INVS: variants seen among roughly 807,000 people sequenced by gnomAD.
INVS encodes the protein inversin.
A neutral mutation model predicts 108.8 loss-of-function variants in INVS; 86 were observed. The ratio of observed to expected loss-of-function variants is 0.79; its 90% CI spans 0.66 to 0.95. The LOEUF (loss-of-function observed/expected upper bound fraction) is 0.95, where lower values mean the gene tolerates loss of function less well. Ranked by LOEUF, INVS falls within the 40% of genes least tolerant of loss-of-function variation. The pLI is 0.00. For synonymous variants in INVS, 455 were observed against 473.5 expected (o/e 0.96, Z 0.51); for missense variants, 1,169 against 1,297.4 (o/e 0.90, Z 1.52).
chr9:100,168,440 G>A (rs980821379), intron 3 of INVS, among the ~76,000 whole-genome samples: 1 of 152,150 alleles, frequency 6.6e-6, no homozygotes, highest in Non-Finnish European at 1.5e-5. Context: ...TGGCCTCCAG[G>A]GCAGATAAAG....
In INVS at chr9:100,264,940, T is replaced by C; in HGVS notation, c.1571+12T>C. ...AACAATGAAGAGAGGTAAGTTGTTG[T>C]TGACTTTTTTTTTTTTTTTTGAGAT... On this transcript the variant is annotated intron_variant, in intron 11 of 16. Coordinates refer to ENST00000262457, the MANE Select transcript of INVS (RefSeq NM_014425.5). The C allele has an allele frequency of 6.3e-7, 1 of 1,581,084 alleles. No homozygotes were observed. The highest frequency in any genetic ancestry group is 8.7e-7 in the Non-Finnish European group (1 of 1,150,882).
At chr9:100,100,727 TATAATATATATATTATATGTAC>T (rs1414422025) in intron 1 of INVS, among the ~76,000 whole-genome samples, 79 of 58,624 alleles carry the variant, frequency 1.3e-3, no homozygotes, top group Non-Finnish European at 1.8e-3. Context: ...TATATGTACA[TATAATATATATATTATATGTAC>T]ATATAATATA....
At chr9:100,239,525 A>T (rs986115330) in intron 5 of INVS, among the ~76,000 whole-genome samples, 2 of 152,216 alleles carry the variant, frequency 1.3e-5, no homozygotes, top group Admixed American at 6.5e-5. Context: ...TTTAATCTAG[A>T]TAATCAGTAT....
At position 100,284,514 on chromosome 9, in the gene INVS, G is replaced by T; in HGVS notation, c.1979G>T (p.Gly660Val). The T allele has an allele frequency of 1.2e-6, 2 of 1,614,122 alleles. No individual in the cohort carries two copies. The highest frequency in any genetic ancestry group is 8.5e-7 in the Non-Finnish European group (1 of 1,179,982). ...GGCCCTGAGCCAAGAGACAGCAGAGGATCTCCAGGAGGGTCTCTAGGCGGA... is the reference window on the plus strand; with the variant it reads ...GGCCCTGAGCCAAGAGACAGCAGAGTATCTCCAGGAGGGTCTCTAGGCGGA... ...AQGPEPRDSR[G>V]SPGGSLGGAL... Residue 660 changes from glycine to valine, a missense_variant, in exon 13 of 17, where the codon GGA (glycine) becomes GTA (valine). Around this residue, in one of 3 missense-constraint regions of INVS, gnomAD observed 533 missense variants for 536.0 expected, o/e 0.99. Transcript: ENST00000262457.
chr9:100,196,315 T>C (rs1328671839), intron 3 of INVS, among the ~76,000 whole-genome samples: 3 of 152,190 alleles, frequency 2.0e-5, no homozygotes, highest in African/African-American at 7.2e-5. Flanking sequence ...CAATTCTCCT[T>C]TGTCTGAGGC....
chr9:100,249,754 A>G (rs1419380407), intron 8 of INVS, among the ~76,000 whole-genome samples: 2 of 133,878 alleles, frequency 1.5e-5, no homozygotes, highest in East Asian at 4.8e-4. Context: ...TCGGCCTCCC[A>G]AAGTGCTGGG....
In INVS at chr9:100,226,218, A is replaced by G; in HGVS notation, c.430A>G (p.Thr144Ala). ...GTTTATGGCACCAGGAGAAGTGGATACACAGGATAAAAACAAGGTAATGGA... is the reference window on the plus strand; with the variant it reads ...GTTTATGGCACCAGGAGAAGTGGATGCACAGGATAAAAACAAGGTAATGGA... The part of the protein sequence containing the change: ...LKFMAPGEVD[T>A]QDKNKQTALH... The change falls in exon 4 of 17, where the codon ACA (threonine) becomes GCA (alanine). Residue 144 changes from threonine (T) to alanine (A), a missense_variant. By Grantham distance (58) the Thr-to-Ala change is moderately conservative. Transcript: ENST00000262457. 1.2e-6 allele frequency: 2 copies of G among 1,614,018 alleles called. No individual in the cohort carries two copies. Among genetic ancestry groups the G allele is most frequent in the South Asian group, 1.1e-5 (1 of 91,028 alleles).
chr9:100,181,963 A>G (rs1353095018), intron 3 of INVS, among the ~76,000 whole-genome samples: 2 of 152,168 alleles, frequency 1.3e-5, no homozygotes, highest in African/African-American at 4.8e-5. Context: ...ATAACCCAAC[A>G]CATCTACAAC....
chr9:100,245,148 C>A (rs1259611086), intron 7 of INVS, among the ~76,000 whole-genome samples: 1 of 152,144 alleles, frequency 6.6e-6, no homozygotes, highest in African/African-American at 2.4e-5. Flanking sequence ...TTTCTATGAT[C>A]TTTCTAAAGT....
At chr9:100,169,633 A>T (rs1279288258) in intron 3 of INVS, among the ~76,000 whole-genome samples, 3 of 152,208 alleles carry the variant, frequency 2.0e-5, no homozygotes, top group Non-Finnish European at 2.9e-5. Flanking sequence ...GTATAATTTT[A>T]AAAAATGTTT....
chr9:100,255,966 T>C (rs1044988085), intron 10 of INVS, among the ~76,000 whole-genome samples: 4 of 152,222 alleles, frequency 2.6e-5, no homozygotes, highest in Non-Finnish European at 4.4e-5. Flanking sequence ...TTTCTATTGA[T>C]TGGAATAGTT....
intron 7 of INVS, among the ~76,000 whole-genome samples, chr9:100,244,831 CA>C (rs1272602279): frequency 6.6e-6 from 1 of 151,988 alleles, no homozygotes; most frequent in Admixed American, 6.6e-5. Flanking sequence ...TAAAAGAAAA[CA>C]AAGCAAAAAA....
chr9:100,260,782 A>G (rs1217904778), intron 10 of INVS, among the ~76,000 whole-genome samples: 1 of 152,226 alleles, frequency 6.6e-6, no homozygotes, highest in African/African-American at 2.4e-5. Flanking sequence ...CTTAACCCAA[A>G]TATAGGTTAA....
At chr9:100,265,692 T>G (rs1318327906) in intron 11 of INVS, among the ~76,000 whole-genome samples, 1 of 152,200 alleles carries the variant, frequency 6.6e-6, no homozygotes, top group Non-Finnish European at 1.5e-5. Context: ...AGATGAAAGT[T>G]CAGGGTTTAA....
At chr9:100,265,624 T>G (rs927363527) in intron 11 of INVS, among the ~76,000 whole-genome samples, 1 of 152,194 alleles carries the variant, frequency 6.6e-6, no homozygotes, top group African/African-American at 2.4e-5. Flanking sequence ...AAGAGGATAT[T>G]ATCAGTCAGT....
intron 13 of INVS, among the ~76,000 whole-genome samples, chr9:100,291,194 G>T (rs1171863681): frequency 6.6e-6 from 1 of 152,050 alleles, no homozygotes; most frequent in Non-Finnish European, 1.5e-5. Flanking sequence ...CTCCCAAGTA[G>T]CTGGGACTAC....
intron 3 of INVS, among the ~76,000 whole-genome samples, chr9:100,203,051 T>C (rs1036840168): frequency 1.3e-5 from 2 of 152,212 alleles, no homozygotes; most frequent in Non-Finnish European, 2.9e-5. Flanking sequence ...GGCAATAACA[T>C]AGATATTTCA....
chr9:100,267,498 A>G (rs1588134716), intron 11 of INVS, among the ~76,000 whole-genome samples: 1 of 152,188 alleles, frequency 6.6e-6, no homozygotes, highest in Non-Finnish European at 1.5e-5. Context: ...TCTGTTGTCT[A>G]TATCCACATT....
At chr9:100,198,264 A>ATTTTTTTTTTTT (rs66710233) in intron 3 of INVS, among the ~76,000 whole-genome samples, 1 of 65,286 alleles carries the variant, frequency 1.5e-5, no homozygotes, top group Non-Finnish European at 2.8e-5. Flanking sequence ...GAGGGCTAGA[A>ATTTTTTTTTTTT]TTTTTTTTTT....
Sources: gnomAD v4.1 joint callset for allele counts (sites outside exome capture counted in the v4.1 genomes callset) on GRCh38, gnomAD v4.1.1 for gene constraint, gnomAD v4.1.1 regional missense constraint, MANE v1.5 for transcripts, NCBI Gene and HGNC (gene_info 2026-07-23, HGNC 2026-07-21) for gene names.